RBFOX1: variants seen among roughly 807,000 people sequenced by gnomAD.
RBFOX1 encodes RNA binding protein fox-1 homolog 1.
A neutral mutation model predicts 57.7 loss-of-function variants in RBFOX1; 8 were observed. The observed-to-expected ratio is 0.14, with a 90% CI of 0.08 to 0.25. The LOEUF is 0.25. Ranked by LOEUF, RBFOX1 falls within the 10% of genes least tolerant of loss-of-function variation. RBFOX1 has a pLI of 1.00. For synonymous variants in RBFOX1, 326 were observed against 222.4 expected, an observed-to-expected ratio of 1.47 and a Z score of -4.15; for missense variants, 611 against 548.5, an observed-to-expected ratio of 1.11 and a Z score of -1.14.
At chr16:6,451,796 C>T (rs2094630729) in intron 2 of RBFOX1, among the ~76,000 whole-genome samples, 1 of 152,158 alleles carries the variant, frequency 6.6e-6, no homozygotes, top group Non-Finnish European at 1.5e-5. Context: ...TCCCGTGACT[C>T]CATCCATGAC....
intron 2 of RBFOX1, among the ~76,000 whole-genome samples, chr16:6,613,087 T>C (rs533912828): frequency 3.2e-4 from 49 of 151,550 alleles, no homozygotes; most frequent in Middle Eastern, 6.8e-3. Flanking sequence ...AATACTGTGG[T>C]ACAGGAACTG....
intron 3 of RBFOX1, among the ~76,000 whole-genome samples, chr16:6,852,564 C>T (rs1007169271): frequency 2.0e-5 from 3 of 152,224 alleles, no homozygotes; most frequent in African/African-American, 7.2e-5. Context: ...TGGCAACTAG[C>T]TGTCCAGGAA....
intron 1 of RBFOX1, among the ~76,000 whole-genome samples, chr16:6,212,504 A>G (rs973506510): frequency 2.6e-5 from 4 of 152,078 alleles, no homozygotes; most frequent in African/African-American, 9.7e-5. Flanking sequence ...TCAGGAGATC[A>G]AGACCATCCT....
intron 4 of RBFOX1, among the ~76,000 whole-genome samples, chr16:7,180,243 G>C (rs182051070): frequency 6.6e-6 from 1 of 152,038 alleles, no homozygotes; most frequent in Admixed American, 6.5e-5. Context: ...TTTTAAATGC[G>C]TTTTACATAT....
chr16:7,173,921 G>A (rs180923290), intron 4 of RBFOX1, among the ~76,000 whole-genome samples: 115 of 152,244 alleles, frequency 7.6e-4, no homozygotes, highest in African/African-American at 2.6e-3. Context: ...AGACCAAAAC[G>A]TATCCCACCC....
At chr16:6,571,752 G>C (rs1423850891) in intron 2 of RBFOX1, among the ~76,000 whole-genome samples, 1 of 152,184 alleles carries the variant, frequency 6.6e-6, no homozygotes, top group Non-Finnish European at 1.5e-5. Flanking sequence ...TGCACCAGCA[G>C]AGTTCTGGGC....
chr16:6,359,892 C>T (rs1267828883), intron 2 of RBFOX1, among the ~76,000 whole-genome samples: 2 of 152,206 alleles, frequency 1.3e-5, no homozygotes, highest in South Asian at 2.1e-4. Flanking sequence ...CATCCAGTGC[C>T]TAAAATGAAC....
intron 1 of RBFOX1, among the ~76,000 whole-genome samples, chr16:6,105,685 AATATAT>A (rs1002953834): frequency 7.0e-6 from 1 of 142,894 alleles, no homozygotes; most frequent in South Asian, 2.1e-4. Flanking sequence ...GTAGAAAAAA[AATATAT>A]ATATATATAT....
chr16:6,346,535 A>G (rs1006715639), intron 2 of RBFOX1, among the ~76,000 whole-genome samples: 5 of 152,070 alleles, frequency 3.3e-5, no homozygotes, highest in Non-Finnish European at 5.9e-5. Flanking sequence ...GTGCTTCCCT[A>G]CCTCACTTCT....
At position 7,150,461 on chromosome 16, in the gene RBFOX1, A is replaced by G. The variant is rs551529685; in HGVS notation, c.27+98363A>G. On this transcript the variant is annotated intron_variant, in intron 4 of 15. Transcript: ENST00000550418. ...CACTCCATTGTGCAATGTCAGCCAC[A>G]ACTTCCACCATTATTACCACTCAAT... Among the ~76,000 whole-genome samples, 76 of 152,302 alleles carry G rather than the reference A, an allele frequency of 5.0e-4. 2 individuals carry two copies. In the East Asian group the frequency reaches 0.012, roughly 24 times the overall value.
chr16:7,053,855 C>CTG (rs1488077899), intron 4 of RBFOX1, among the ~76,000 whole-genome samples: 1 of 152,158 alleles, frequency 6.6e-6, no homozygotes, highest in Non-Finnish European at 1.5e-5. Flanking sequence ...TTTATGGTCA[C>CTG]TGTTCTTGCT....
intron 3 of RBFOX1, among the ~76,000 whole-genome samples, chr16:6,809,902 T>G: frequency 6.6e-6 from 1 of 152,168 alleles, no homozygotes; most frequent in South Asian, 2.1e-4. Context: ...GAGTTGCTTT[T>G]GTACAAATGA....
chr16:5,463,800 A>C lies in RBFOX1; in HGVS notation c.220-3416A>C, dbSNP rs550251417. 3.6e-3 allele frequency among the ~76,000 whole-genome samples: 540 copies of C among 148,086 alleles called. 10 individuals are homozygous for C. Among genetic ancestry groups the C allele is most frequent in the Admixed American group, 0.033 (487 of 14,920 alleles). ...GGGTGACAGAGTGAGACTGTCTCGA[A>C]AAAAAAAAAAAAGAAATAATAAAAA... On this transcript the variant is annotated intron_variant, in intron 1 of 2. Transcript: ENST00000585867.
At chr16:6,634,144 G>C (rs1787376356) in intron 2 of RBFOX1, among the ~76,000 whole-genome samples, 1 of 152,114 alleles carries the variant, frequency 6.6e-6, no homozygotes, top group Non-Finnish European at 1.5e-5. Flanking sequence ...CAGTTATTGT[G>C]AGTAATTCAT....
intron 4 of RBFOX1, among the ~76,000 whole-genome samples, chr16:7,335,452 T>C (rs990844033): frequency 6.6e-6 from 1 of 152,220 alleles, no homozygotes; most frequent in Non-Finnish European, 1.5e-5. Context: ...TGTTGTATTA[T>C]AGTTGGAGAT....
At chr16:6,085,809 A>G (rs960700194) in intron 1 of RBFOX1, among the ~76,000 whole-genome samples, 6 of 152,184 alleles carry the variant, frequency 3.9e-5, no homozygotes, top group Admixed American at 6.5e-5. Flanking sequence ...TCTGTAAAAT[A>G]GAAGTGCTGA....
chr16:6,631,795 G>C (rs1222214787), intron 2 of RBFOX1, among the ~76,000 whole-genome samples: 1 of 152,126 alleles, frequency 6.6e-6, no homozygotes, highest in Non-Finnish European at 1.5e-5. Flanking sequence ...GCTCAGAGCA[G>C]CAGCTCTGCA....
At chr16:6,568,821 T>A (rs1304427616) in intron 2 of RBFOX1, among the ~76,000 whole-genome samples, 2 of 152,122 alleles carry the variant, frequency 1.3e-5, no homozygotes, top group Non-Finnish European at 2.9e-5. Context: ...CAGGCTGGAG[T>A]GCAGTGGCGC....
intron 3 of RBFOX1, among the ~76,000 whole-genome samples, chr16:6,867,321 A>G (rs1203108783): frequency 6.6e-6 from 1 of 151,932 alleles, no homozygotes; most frequent in Non-Finnish European, 1.5e-5. Context: ...ATTGGCTCTG[A>G]TGATGGTTTT....
Sources: gnomAD v4.1 joint callset for allele counts (sites outside exome capture counted in the v4.1 genomes callset) on GRCh38, gnomAD v4.1.1 for gene constraint, MANE v1.5 for transcripts, NCBI Gene and HGNC (gene_info 2026-07-23, HGNC 2026-07-21) for gene names.